HPSE2: variants seen among roughly 807,000 people sequenced by gnomAD.
HPSE2 encodes heparanase 2 (inactive).
A neutral mutation model predicts 60.5 loss-of-function variants in HPSE2; 38 were observed. The ratio of observed to expected loss-of-function variants is 0.63; its 90% CI spans 0.48 to 0.82. The LOEUF is 0.82. Ranked by LOEUF, HPSE2 falls within the 40% of genes least tolerant of loss-of-function variation. HPSE2 has a pLI of 0.00. For synonymous variants in HPSE2, 295 were observed against 293.2 expected (o/e 1.01, Z -0.06); for missense variants, 713 against 740.4 (o/e 0.96, Z 0.43).
At chr10:99,048,411 G>C in intron 3 of HPSE2, 2 of 261,728 alleles carry the variant, frequency 7.6e-6, no homozygotes, top group Non-Finnish European at 1.5e-5. Flanking sequence ...TTCAAAAAGG[G>C]GCAAAGGACA....
At chr10:98,745,844 C>T (rs934755830) in intron 3 of HPSE2, among the ~76,000 whole-genome samples, 1 of 152,114 alleles carries the variant, frequency 6.6e-6, no homozygotes, top group Non-Finnish European at 1.5e-5. Context: ...TAGGGTTCCA[C>T]AAGAGGTCAC....
At chr10:98,499,992 A>T (rs553663814) in intron 9 of HPSE2, among the ~76,000 whole-genome samples, 2 of 152,344 alleles carry the variant, frequency 1.3e-5, no homozygotes, top group East Asian at 3.9e-4. Context: ...ACATATATGC[A>T]CCTAACACTG....
intron 4 of HPSE2, among the ~76,000 whole-genome samples, chr10:98,737,580 T>C (rs565509633): frequency 2.0e-4 from 31 of 152,242 alleles, no homozygotes; most frequent in Middle Eastern, 3.4e-3. Flanking sequence ...GCTCACCCCA[T>C]CATCTCAGCC....
At chr10:98,582,046 C>T (rs1944813773) in intron 9 of HPSE2, among the ~76,000 whole-genome samples, 1 of 152,176 alleles carries the variant, frequency 6.6e-6, no homozygotes, top group Admixed American at 6.5e-5. Context: ...GCCAGGACTT[C>T]ACATCTCCAA....
In HPSE2 at chr10:98,562,947, C is replaced by T. The variant is rs537123482; in HGVS notation, c.1320+51957G>A. ...AATCTTCCTTGAGCCAGGTGTCACA[C>T]AAATGGTTCCTGGGGCTCTGGCTTA... On this transcript the variant is annotated intron_variant, in intron 9 of 11. Transcript: ENST00000370552. Among the ~76,000 whole-genome samples, 19 of 152,142 alleles carry T rather than the reference C, an allele frequency of 1.2e-4. No homozygotes were observed. The South Asian group carries it at 2.5e-3, about 20-fold the overall frequency.
chr10:99,108,521 C>T (rs894396920), intron 3 of HPSE2, among the ~76,000 whole-genome samples: 2 of 152,068 alleles, frequency 1.3e-5, no homozygotes, highest in East Asian at 3.8e-4. Context: ...CATAAACAAT[C>T]ATAATTCTAT....
intron 3 of HPSE2, among the ~76,000 whole-genome samples, chr10:98,893,337 G>A (rs553425015): frequency 6.6e-6 from 1 of 152,300 alleles, no homozygotes; most frequent in African/African-American, 2.4e-5. Context: ...AAAGTGTTGG[G>A]ATTACAGGCG....
At chr10:98,534,017 C>T (rs186273560) in intron 9 of HPSE2, among the ~76,000 whole-genome samples, 1 of 152,258 alleles carries the variant, frequency 6.6e-6, no homozygotes, top group Admixed American at 6.5e-5. Flanking sequence ...TGGGAGATGA[C>T]TTAGCCTTTC....
chr10:98,869,096 C>A (rs1355721772), intron 3 of HPSE2, among the ~76,000 whole-genome samples: 1 of 151,716 alleles, frequency 6.6e-6, no homozygotes, highest in Non-Finnish European at 1.5e-5. Context: ...CTATTTATTT[C>A]AAAAACAATG....
At chr10:98,544,896 T>A (rs986221683) in intron 9 of HPSE2, among the ~76,000 whole-genome samples, 2 of 151,928 alleles carry the variant, frequency 1.3e-5, no homozygotes, top group Admixed American at 1.3e-4. Context: ...ACGAAATTGA[T>A]AGACTGCTAG....
chr10:98,693,225 T>C (rs1948124678), intron 6 of HPSE2, among the ~76,000 whole-genome samples: 1 of 152,246 alleles, frequency 6.6e-6, no homozygotes, highest in African/African-American at 2.4e-5. Context: ...GATTCCAGTA[T>C]ACAATTAGTG....
chr10:98,727,159 A>G (rs1949106690), intron 4 of HPSE2, among the ~76,000 whole-genome samples: 1 of 152,210 alleles, frequency 6.6e-6, no homozygotes, highest in African/African-American at 2.4e-5. Flanking sequence ...AGTTAGTCCA[A>G]GACCTATGGT....
At chr10:99,216,236 C>T (rs1849120399) in intron 2 of HPSE2, among the ~76,000 whole-genome samples, 1 of 144,732 alleles carries the variant, frequency 6.9e-6, no homozygotes, top group Non-Finnish European at 1.5e-5. Flanking sequence ...CACTGGTTGC[C>T]CAGGCTGGAG....
chr10:99,071,345 T>C (rs1842783810), intron 3 of HPSE2, among the ~76,000 whole-genome samples: 1 of 152,298 alleles, frequency 6.6e-6, no homozygotes, highest in African/African-American at 2.4e-5. Context: ...GCTGGGATTA[T>C]AGGCATAAGC....
chr10:98,603,431 G>GTTTT (rs1466185307), intron 9 of HPSE2, among the ~76,000 whole-genome samples: 27 of 26,852 alleles, frequency 1.0e-3, no homozygotes, highest in Middle Eastern at 0.031. Context: ...AGAGCACTCT[G>GTTTT]TTTTTTTGTT....
At chr10:98,493,273 G>C (rs1454131903) in intron 9 of HPSE2, among the ~76,000 whole-genome samples, 1 of 152,178 alleles carries the variant, frequency 6.6e-6, no homozygotes, top group Non-Finnish European at 1.5e-5. Context: ...AAATGTATAT[G>C]CTATTGTTGC....
chr10:98,504,484 C>G (rs1942130889), intron 9 of HPSE2, among the ~76,000 whole-genome samples: 1 of 152,130 alleles, frequency 6.6e-6, no homozygotes, highest in Admixed American at 6.6e-5. Flanking sequence ...CTACCATCCA[C>G]TGTAAAAGCT....
intron 9 of HPSE2, among the ~76,000 whole-genome samples, chr10:98,527,532 C>T (rs190997935): frequency 4.5e-4 from 69 of 152,286 alleles, no homozygotes; most frequent in African/African-American, 1.5e-3. Context: ...CACTCTCATC[C>T]CTCAGGTCTC....
At chr10:99,113,080 C>T (rs552386127) in intron 3 of HPSE2, among the ~76,000 whole-genome samples, 1 of 152,244 alleles carries the variant, frequency 6.6e-6, no homozygotes, top group Admixed American at 6.5e-5. Flanking sequence ...GAGACATGAG[C>T]TTATTTATGG....
Sources: allele counts gnomAD v4.1 joint callset (sites outside exome capture counted in the v4.1 genomes callset), GRCh38; gene constraint gnomAD v4.1.1; transcripts MANE v1.5; gene names NCBI Gene and HGNC (gene_info 2026-07-23, HGNC 2026-07-21).